The following TFIP11 variants were observed in gnomAD, a reference collection of about 807,000 sequenced individuals.
TFIP11 encodes tuftelin interacting protein 11, also known as tuftelin-interacting protein 11.
A neutral mutation model predicts 96.8 loss-of-function variants in TFIP11; 86 were observed. The observed-to-expected ratio is 0.89, with a 90% CI of 0.75 to 1.06. The LOEUF (loss-of-function observed/expected upper bound fraction) is 1.06. TFIP11 is among the 50% of genes least tolerant of loss of function. The pLI is 0.00. For missense variants in TFIP11, 881 were observed against 1,076.7 expected, an observed-to-expected ratio of 0.82 and a Z score of 2.54; for synonymous variants, 405 against 395.2, an observed-to-expected ratio of 1.02 and a Z score of -0.29.
Position 26,510,204 on chromosome 22 carries a change from G to A in TFIP11, c.69C>T (p.Asn23=). The A allele has an allele frequency of 6.2e-7, 1 of 1,614,126 alleles. No homozygotes were observed. Among genetic ancestry groups the A allele is most frequent in the Non-Finnish European group, 8.5e-7 (1 of 1,180,028 alleles). Residue 23 remains asparagine, a synonymous_variant, in exon 4 of 15, where the codon AAC becomes AAT. Coordinates refer to ENST00000407690, the MANE Select transcript of TFIP11 (RefSeq NM_012143.4). ...GGAGATCCCAGTCAGTGATCTCAAA[G>A]TTCTCCCGCTCGTCATCATCATCAT... is the stretch of plus-strand genomic sequence containing the variant. ...RIDDDDDERE[N]FEITDWDLQN... is the part of the protein sequence containing the mutation.
intron 4 of TFIP11, among the ~76,000 whole-genome samples, chr22:26,508,562 A>G (rs949255745): frequency 6.6e-6 from 1 of 152,176 alleles, no homozygotes; most frequent in African/African-American, 2.4e-5. Context: ...CCTTTGAAAA[A>G]GGCACATTCT....
intron 4 of TFIP11, among the ~76,000 whole-genome samples, chr22:26,508,427 G>A (rs1171312526): frequency 2.6e-5 from 4 of 152,210 alleles, no homozygotes; most frequent in Non-Finnish European, 5.9e-5. Context: ...GCCAAGAGAT[G>A]TTAGCTATTA....
intron 2 of TFIP11, among the ~76,000 whole-genome samples, chr22:26,510,951 C>T (rs1923979840): frequency 6.6e-6 from 1 of 152,172 alleles, no homozygotes; most frequent in African/African-American, 2.4e-5. Context: ...TTAGAGAAGG[C>T]TTACAAAGCA....
In TFIP11 at chr22:26,494,948, G is replaced by C; in HGVS notation, c.1850-9C>G. On this transcript the variant is annotated splice_polypyrimidine_tract_variant and intron_variant, in intron 12 of 14. Transcript: ENST00000407690. ...CTCACCAAGACACATCCCTGGAAGA[G>C]AAACCCGGTCTGTAAGGCACAGCTT... The C allele has an allele frequency of 6.2e-7, 1 of 1,614,166 alleles. No individual in the cohort carries two copies. Among genetic ancestry groups the C allele is most frequent in the Non-Finnish European group, 8.5e-7 (1 of 1,180,012 alleles).
chr22:26,507,849 A>G (rs751554962), intron 4 of TFIP11, among the ~76,000 whole-genome samples: 1 of 152,210 alleles, frequency 6.6e-6, no homozygotes, highest in Non-Finnish European at 1.5e-5. Flanking sequence ...GGAGCCAGGT[A>G]CAGCGGCTCA....
In TFIP11 at chr22:26,505,221, T is replaced by A. The variant is rs553249982; in HGVS notation, c.520+1082A>T. ...TTCCTGTAGGAAGAATCCAACTGTT[T>A]GGTTTGAGAGGCTTTGGTCTCAAGA... On this transcript the variant is annotated intron_variant, in intron 6 of 14. Coordinates refer to ENST00000407690, the MANE Select transcript of TFIP11 (RefSeq NM_012143.4). 4.0e-3 allele frequency among the ~76,000 whole-genome samples: 613 copies of A among 152,190 alleles called. 2 individuals carry two copies. The highest frequency in any genetic ancestry group is 7.1e-3 in the Admixed American group (109 of 15,274).
chr22:26,501,981 G>C lies in TFIP11; in HGVS notation c.720C>G (p.Tyr240Ter), dbSNP rs781437423. The C allele has an allele frequency of 1.9e-6, 3 of 1,613,822 alleles. No individual in the cohort carries two copies. Among genetic ancestry groups the C allele is most frequent in the African/African-American group, 1.3e-5 (1 of 74,968 alleles). Residue 240 changes from tyrosine to a stop codon, truncating the protein, a stop_gained, in exon 8 of 15, where the codon TAC (tyrosine) becomes TAG (stop). Coordinates refer to ENST00000407690, the MANE Select transcript of TFIP11 (RefSeq NM_012143.4). LOFTEE classifies it high-confidence loss of function. The stretch of plus-strand genomic sequence containing the variant: ...TGGCCTTCAACTCTTCCACGGTCTT[G>C]TAAGAGTATTTGGGCTTCTTCTTGC... ...SGSKKKPKYS[Y>*]KTVEELKAKG...
At chr22:26,500,395 T>G (rs578043259) in intron 8 of TFIP11, among the ~76,000 whole-genome samples, 5 of 152,234 alleles carry the variant, frequency 3.3e-5, no homozygotes, top group Non-Finnish European at 5.9e-5. Flanking sequence ...GGTCTCAATC[T>G]CCTGACCTTG....
At chr22:26,492,571 T>G in intron 14 of TFIP11, 1 of 585,890 alleles carries the variant, frequency 1.7e-6, no homozygotes, top group Non-Finnish European at 3.1e-6. Context: ...TCCTGGCTAG[T>G]ATCTAGTAAC....
chr22:26,497,802 G>T (rs182051558), intron 10 of TFIP11, among the ~76,000 whole-genome samples: 186 of 151,660 alleles, frequency 1.2e-3, no homozygotes, highest in Middle Eastern at 6.9e-3. Flanking sequence ...CTTGAACCCG[G>T]GAGGCAGAGG....
intron 3 of TFIP11, 71 bp from the exon 4 acceptor site, chr22:26,510,352 C>T (rs943314451): frequency 4.3e-6 from 6 of 1,395,362 alleles, no homozygotes; most frequent in Admixed American, 1.8e-5. Context: ...CCTTGTGAGT[C>T]TCTATTCCTT....
intron 4 of TFIP11, 81 bp from the exon 5 acceptor site, chr22:26,507,009 C>T (rs1923503727): frequency 2.0e-6 from 3 of 1,499,016 alleles, no homozygotes; most frequent in Non-Finnish European, 2.7e-6. Flanking sequence ...AAACTACGTG[C>T]TTGAAGACTC....
chr22:26,502,278 A>C (rs1194246972), intron 7 of TFIP11, among the ~76,000 whole-genome samples: 2 of 152,190 alleles, frequency 1.3e-5, no homozygotes, highest in African/African-American at 4.8e-5. Context: ...AGGCAGGTAC[A>C]CCAGATGGGA....
At position 26,492,157 on chromosome 22, in the gene TFIP11, G is replaced by A. The variant is rs535442688; in HGVS notation, c.2370C>T (p.Pro790=). 97 of 1,614,176 alleles carry A rather than the reference G, an allele frequency of 6.0e-5. 1 individual carries two copies. The South Asian group carries it at 9.3e-4, about 16-fold the overall frequency. ...KAEEHNIVFM[P]VIGKRHEGKQ... Reference sequence around the variant, plus strand: ...TCCCTTCGTGTCGCTTCCCAATGACGGGCATGAAGACAATGTTGTGCTCCT... The same window carrying A: ...TCCCTTCGTGTCGCTTCCCAATGACAGGCATGAAGACAATGTTGTGCTCCT... Residue 790 remains proline (P), a synonymous_variant, in exon 15 of 15, where the codon CCC becomes CCT. Coordinates refer to ENST00000407690, the MANE Select transcript of TFIP11 (RefSeq NM_012143.4).
At position 26,502,067 on chromosome 22, in the gene TFIP11, T is replaced by C; in HGVS notation, c.649-15A>G. On this transcript the variant is annotated splice_polypyrimidine_tract_variant and intron_variant, in intron 7 of 14. Coordinates refer to ENST00000407690, the MANE Select transcript of TFIP11 (RefSeq NM_012143.4). The stretch of plus-strand genomic sequence containing the variant: ...TTCTGAAACTCCTGAACCAGAAGAA[T>C]ACAGTCAGATGCAGCAAGGAACAAC... The C allele has an allele frequency of 6.2e-7, 1 of 1,614,034 alleles. No individual in the cohort carries two copies. The highest frequency in any genetic ancestry group is 8.5e-7 in the Non-Finnish European group (1 of 1,179,984).
intron 12 of TFIP11, 21 bp from the exon 13 acceptor site, chr22:26,494,960 G>C (rs753095212): frequency 5.0e-6 from 8 of 1,614,022 alleles, no homozygotes; most frequent in Non-Finnish European, 6.8e-6. Flanking sequence ...AACCCGGTCT[G>C]TAAGGCACAG....
chr22:26,494,621 T>C, intron 13 of TFIP11, 176 bp downstream of exon 13: 1 of 937,462 alleles, frequency 1.1e-6, no homozygotes, highest in Non-Finnish European at 1.6e-6. Flanking sequence ...CAGCTTCTGA[T>C]ACATGGCAAA....
intron 11 of TFIP11, 24 bp downstream of exon 11, chr22:26,496,697 T>C (rs1234241622): frequency 6.2e-7 from 1 of 1,610,646 alleles, no homozygotes; most frequent in Non-Finnish European, 8.5e-7. Flanking sequence ...TGATGACGAC[T>C]GTTTCCCATG....
intron 6 of TFIP11, among the ~76,000 whole-genome samples, chr22:26,504,326 GACC>G (rs758383117): frequency 9.2e-5 from 14 of 152,104 alleles, no homozygotes; most frequent in African/African-American, 4.8e-5. Flanking sequence ...TTACGAATAG[GACC>G]ACAACATTTC....
Sources: gnomAD v4.1 joint callset for allele counts (sites outside exome capture counted in the v4.1 genomes callset) on GRCh38, gnomAD v4.1.1 for gene constraint, MANE v1.5 for transcripts, NCBI Gene and HGNC (gene_info 2026-07-23, HGNC 2026-07-21) for gene names.